FRMD4B: variants seen among roughly 807,000 people sequenced by gnomAD.
FRMD4B encodes FERM domain-containing protein 4B.
A neutral mutation model predicts 141.5 loss-of-function variants in FRMD4B; 74 were observed. That is an observed-to-expected ratio of 0.52 (90% CI 0.43 to 0.63). The LOEUF (loss-of-function observed/expected upper bound fraction) is 0.63, where lower values mean the gene tolerates loss of function less well. Among genes scored for constraint, FRMD4B ranks in the 30% least tolerant of loss-of-function variants. FRMD4B has a pLI of 0.00. For synonymous variants in FRMD4B, 506 were observed against 467.9 expected (o/e 1.08, Z -1.05); for missense variants, 1,366 against 1,253.4 (o/e 1.09, Z -1.36).
chr3:69,335,152 G>T (rs1237664781), intron 1 of FRMD4B, among the ~76,000 whole-genome samples: 1 of 152,128 alleles, frequency 6.6e-6, no homozygotes, highest in Non-Finnish European at 1.5e-5. Flanking sequence ...TTCAGCTTGG[G>T]TGACAGAGTG....
At chr3:69,200,676 C>A in intron 11 of FRMD4B, 1 of 1,254,910 alleles carries the variant, frequency 8.0e-7, no homozygotes, top group South Asian at 1.3e-5. Context: ...CAGATTTTCC[C>A]AGAAAAGAGA....
At chr3:69,520,364 A>G (rs1230915557) in intron 1 of FRMD4B, among the ~76,000 whole-genome samples, 1 of 136,774 alleles carries the variant, frequency 7.3e-6, no homozygotes, top group East Asian at 2.2e-4. Flanking sequence ...TATATGATGG[A>G]ATATATATAT....
At position 69,245,830 on chromosome 3, in the gene FRMD4B, ATTTGTTTT is replaced by A. The variant is rs1430644881; in HGVS notation, c.581+3388_581+3395del. On this transcript the variant is annotated intron_variant, in intron 7 of 22. Transcript: ENST00000398540. ...AGGCGTCTGCGAACGTGCCAGGCTA[ATTTGTTTT>A]TTTTTTTTTTTTTTTTTTGAGACAG... Among the ~76,000 whole-genome samples the A allele has an allele frequency of 3.3e-4, 34 of 103,220 alleles. 1 individual carries two copies. Among genetic ancestry groups the A allele is most frequent in the African/African-American group, 1.2e-3 (33 of 26,912 alleles). The allele number at this position is 103,220 out of a possible 152,430, so 67.7% of individuals were successfully genotyped here.
At chr3:69,183,041 A>T (rs1028464269) in intron 19 of FRMD4B, among the ~76,000 whole-genome samples, 1 of 152,180 alleles carries the variant, frequency 6.6e-6, no homozygotes, top group South Asian at 2.1e-4. Context: ...TAGATGATCA[A>T]ATCTTTGTGG....
At chr3:69,478,923 C>A (rs1706057511) in intron 1 of FRMD4B, among the ~76,000 whole-genome samples, 1 of 150,170 alleles carries the variant, frequency 6.7e-6, no homozygotes, top group African/African-American at 2.5e-5. Flanking sequence ...GGATAGTTAG[C>A]TCTTCTTGTT....
chr3:69,258,434 A>G (rs184523786), intron 5 of FRMD4B, among the ~76,000 whole-genome samples: 2,154 of 142,972 alleles, frequency 0.015, 36 homozygotes, highest in Non-Finnish European at 0.022. Flanking sequence ...TTAGGGAAAC[A>G]TATATATTTC....
At chr3:69,434,074 C>A (rs1215997433) in intron 1 of FRMD4B, among the ~76,000 whole-genome samples, 1 of 152,114 alleles carries the variant, frequency 6.6e-6, no homozygotes, top group Non-Finnish European at 1.5e-5. Context: ...GTCTGCCCGG[C>A]GACAAAAGCT....
At chr3:69,269,742 C>T (rs2106922923) in intron 5 of FRMD4B, among the ~76,000 whole-genome samples, 1 of 152,188 alleles carries the variant, frequency 6.6e-6, no homozygotes, top group Admixed American at 6.5e-5. Flanking sequence ...GCCTCAGCCT[C>T]CCAAGTAGCT....
In FRMD4B at chr3:69,437,843, A is replaced by G. The variant is rs1705284207; in HGVS notation, c.-128-5082T>C. 2.3e-5 allele frequency among the ~76,000 whole-genome samples: 3 copies of G among 129,306 alleles called. No homozygotes were observed. In the South Asian group the frequency reaches 6.7e-4, roughly 29 times the overall value. The allele number at this position is 129,306 out of a possible 152,430, so 84.8% of individuals were successfully genotyped here. A position where few individuals can be genotyped will look rare whatever the true frequency, so the allele number is the denominator to read the frequency against. On this transcript the variant is annotated intron_variant, in intron 1 of 5. Coordinates refer to the FRMD4B transcript ENST00000459638. Reference sequence around the variant, plus strand: ...ATATATATTTATATTCATATATAGTATATATACTATAGTATATATGTAGTA... The same window carrying G: ...ATATATATTTATATTCATATATAGTGTATATACTATAGTATATATGTAGTA...
chr3:69,361,468 G>A (rs1703468499), intron 1 of FRMD4B, among the ~76,000 whole-genome samples: 1 of 151,924 alleles, frequency 6.6e-6, no homozygotes, highest in Non-Finnish European at 1.5e-5. Flanking sequence ...TCCCCCCCAA[G>A]ATATAAAACT....
chr3:69,491,254 GA>G (rs2107024063), intron 1 of FRMD4B, among the ~76,000 whole-genome samples: 1 of 152,236 alleles, frequency 6.6e-6, no homozygotes, highest in African/African-American at 2.4e-5. Context: ...GGAAAATGAA[GA>G]AGAGAATGAA....
rs374064116 is a variant in FRMD4B at position 69,265,047 on chromosome 3, A to G, written c.502-14948T>C. ...GAGGCAGGCGGATCATGAGGTCAGGAGATCGAGACCATCCTGGCTAACACG... is the reference window on the plus strand; with the variant it reads ...GAGGCAGGCGGATCATGAGGTCAGGGGATCGAGACCATCCTGGCTAACACG... On this transcript the variant is annotated intron_variant, in intron 5 of 22. Coordinates refer to ENST00000398540, the MANE Select transcript of FRMD4B (RefSeq NM_015123.3). Among the ~76,000 whole-genome samples, 353 of 150,836 alleles carry G rather than the reference A, an allele frequency of 2.3e-3. 4 individuals carry two copies. Among genetic ancestry groups the G allele is most frequent in the African/African-American group, 8.2e-3 (339 of 41,120 alleles).
At chr3:69,225,326 A>C (rs895634220) in intron 7 of FRMD4B, among the ~76,000 whole-genome samples, 1 of 152,028 alleles carries the variant, frequency 6.6e-6, no homozygotes, top group African/African-American at 2.4e-5. Flanking sequence ...ATCTAATTAT[A>C]AAATGGCAAA....
intron 8 of FRMD4B, among the ~76,000 whole-genome samples, chr3:69,223,833 A>G (rs1264843297): frequency 6.6e-6 from 1 of 152,228 alleles, no homozygotes; most frequent in Non-Finnish European, 1.5e-5. Context: ...TGTCTCAAAA[A>G]AACAAAACAA....
At chr3:69,477,429 G>A (rs964939656) in intron 1 of FRMD4B, among the ~76,000 whole-genome samples, 1 of 150,602 alleles carries the variant, frequency 6.6e-6, no homozygotes, top group Admixed American at 6.6e-5. Context: ...GTTGAATTTT[G>A]TCAAAGGCCT....
intron 10 of FRMD4B, among the ~76,000 whole-genome samples, chr3:69,217,000 C>A (rs955223567): frequency 6.6e-6 from 1 of 151,184 alleles, no homozygotes; most frequent in Non-Finnish European, 1.5e-5. Flanking sequence ...AAAAAAAGCT[C>A]TTTGCCTCTT....
intron 22 of FRMD4B, among the ~76,000 whole-genome samples, chr3:69,176,076 G>C (rs1029704940): frequency 6.6e-6 from 1 of 152,060 alleles, no homozygotes; most frequent in Non-Finnish European, 1.5e-5. Flanking sequence ...CACCGTGCCC[G>C]GCAGCAAACT....
chr3:69,193,595 C>A, intron 17 of FRMD4B, 53 bp downstream of exon 17: 1 of 944,864 alleles, frequency 1.1e-6, no homozygotes, highest in South Asian at 1.5e-5. Context: ...ATGCTATATA[C>A]CATGAAGTAC....
At chr3:69,454,551 G>T (rs576428478) in intron 1 of FRMD4B, among the ~76,000 whole-genome samples, 1 of 152,330 alleles carries the variant, frequency 6.6e-6, no homozygotes, top group African/African-American at 2.4e-5. Context: ...GGCGCCACCG[G>T]CCCCGGGCAG....
Sources: gnomAD v4.1 joint callset for allele counts (sites outside exome capture counted in the v4.1 genomes callset) on GRCh38, gnomAD v4.1.1 for gene constraint, MANE v1.5 for transcripts, NCBI Gene and HGNC (gene_info 2026-07-23, HGNC 2026-07-21) for gene names.